The following LLGL2 variants were observed in gnomAD, a reference collection of about 807,000 sequenced individuals.
LLGL2 encodes the protein LLGL2, scribble cell polarity complex component.
Under a neutral mutation model 123.2 loss-of-function variants are expected in LLGL2, and 81 were observed. The ratio of observed to expected loss-of-function variants is 0.66; its 90% confidence interval spans 0.55 to 0.79. The LOEUF is 0.79. LLGL2 is among the 30% of genes least tolerant of loss of function. The pLI, the probability that LLGL2 is intolerant of heterozygous loss-of-function variation, is 0.00. For missense variants in LLGL2, 1,273 were observed against 1,414.6 expected, an observed-to-expected ratio of 0.90 and a Z score of 1.61; for synonymous variants, 577 against 594.1, an observed-to-expected ratio of 0.97 and a Z score of 0.42.
intron 25 of LLGL2, 26 bp downstream of exon 25, chr17:75,574,694 C>T (rs1438634042): frequency 6.2e-7 from 1 of 1,607,344 alleles, no homozygotes; most frequent in Admixed American, 1.7e-5. Flanking sequence ...TTGAGTGCAG[C>T]TGCCAACCGT....
intron 2 of LLGL2, among the ~76,000 whole-genome samples, chr17:75,548,223 T>C (rs116679012): frequency 4.7e-4 from 71 of 152,256 alleles, no homozygotes; most frequent in African/African-American, 1.7e-3. Context: ...ACTTGACTAA[T>C]GTAGCTTTCC....
rs770433556 is a variant in LLGL2, at chr17:75,570,943, C to T, written c.2026-7C>T. 4 of 1,603,852 alleles carry T rather than the reference C, an allele frequency of 2.5e-6. No homozygotes were observed. The highest frequency in any genetic ancestry group is 2.2e-5 in the East Asian group (1 of 44,770). ...AGCTGACCCTTAGGCTGGCCCACCC[C>T]TTGCAGGCACAGGAGGGGAGTGCCA... On this transcript the variant is annotated splice_polypyrimidine_tract_variant and splice_region_variant and intron_variant, in intron 16 of 25. Coordinates refer to ENST00000392550, the MANE Select transcript of LLGL2 (RefSeq NM_001031803.2).
intron 21 of LLGL2, 45 bp from the exon 22 acceptor site, chr17:75,573,907 C>G: frequency 6.5e-7 from 1 of 1,548,116 alleles, no homozygotes; most frequent in Non-Finnish European, 8.7e-7. Flanking sequence ...CAGAGCCGGG[C>G]AGGGAGCCCG....
intron 21 of LLGL2, 25 bp downstream of exon 21, chr17:75,573,656 T>TCCCGCCCCC (rs2055833531): frequency 7.6e-7 from 1 of 1,322,600 alleles, no homozygotes; most frequent in Non-Finnish European, 1.0e-6. Context: ...CAGAGGCCTC[T>TCCCGCCCCC]CCCGCCCCTC....
intron 2 of LLGL2, among the ~76,000 whole-genome samples, chr17:75,552,702 G>A (rs1438731080): frequency 6.6e-6 from 1 of 152,198 alleles, no homozygotes; most frequent in Non-Finnish European, 1.5e-5. Context: ...GTGGAAAAAG[G>A]GAATTCGAAG....
At position 75,569,990 on chromosome 17, in the gene LLGL2, G is replaced by A. The variant is rs147027220; in HGVS notation, c.1609G>A (p.Ala537Thr). The A allele has an allele frequency of 2.5e-6, 4 of 1,605,152 alleles. No homozygotes were observed. The African/African-American group carries it at 4.0e-5, about 16-fold the overall frequency. Residue 537 changes from alanine to threonine, a missense_variant, in exon 15 of 26, where the codon GCA (alanine) becomes ACA (threonine). Coordinates refer to ENST00000392550, the MANE Select transcript of LLGL2 (RefSeq NM_001031803.2). ...QVLVLELNDE[A>T]AEQAVEQVEA... ...GCTGGTACTGGAACTGAATGACGAGGCAGCGGAGCAGGCTGTGGAGCAGGT... is the reference window on the plus strand; with the variant it reads ...GCTGGTACTGGAACTGAATGACGAGACAGCGGAGCAGGCTGTGGAGCAGGT...
In LLGL2 at chr17:75,570,013, G is replaced by A; in HGVS notation, c.1632G>A (p.Gln544=). The A allele has an allele frequency of 6.2e-7, 1 of 1,611,682 alleles. No homozygotes were observed. Among genetic ancestry groups the A allele is most frequent in the Non-Finnish European group, 8.5e-7 (1 of 1,179,188 alleles). The part of the protein sequence containing the change: ...NDEAAEQAVE[Q]VEADLLQDQE... ...AGGCAGCGGAGCAGGCTGTGGAGCA[G>A]GTGGAGGCCGACCTGCTGCAGGACC... Residue 544 remains glutamine (Q), a synonymous_variant, in exon 15 of 26, where the codon CAG becomes CAA. Coordinates refer to ENST00000392550, the MANE Select transcript of LLGL2 (RefSeq NM_001031803.2).
At chr17:75,570,277 C>T in intron 15 of LLGL2, 22 bp downstream of exon 15, 1 of 1,598,450 alleles carries the variant, frequency 6.3e-7, no homozygotes, top group Non-Finnish European at 8.5e-7. Context: ...CGGCTGGGTC[C>T]CGGGGCTGGG....
At position 75,563,701 on chromosome 17, in the gene LLGL2, C is replaced by T. The variant is rs765089466; in HGVS notation, c.827-51C>T. The T allele has an allele frequency of 1.1e-5, 18 of 1,600,638 alleles. No individual in the cohort carries two copies. The South Asian group carries it at 2.0e-4, about 18-fold the overall frequency. ...AGGGATCTGTGCCTGTGGGGACTGA[C>T]ACTTGTCTGAGAGTTTGAGGATCCG... On this transcript the variant is annotated intron_variant, in intron 8 of 25. Coordinates refer to ENST00000392550, the MANE Select transcript of LLGL2 (RefSeq NM_001031803.2).
intron 1 of LLGL2, among the ~76,000 whole-genome samples, chr17:75,530,564 G>A (rs971622076): frequency 2.6e-5 from 4 of 151,500 alleles, no homozygotes; most frequent in Non-Finnish European, 4.4e-5. Context: ...GCAGGAGAAT[G>A]GTGTGAACCC....
At chr17:75,532,195 CCTCCCCAGTAGCTGGGATTACAGGTAG>C (rs1030229778) in intron 1 of LLGL2, among the ~76,000 whole-genome samples, 6 of 151,226 alleles carry the variant, frequency 4.0e-5, no homozygotes, top group Admixed American at 3.3e-4. Context: ...CCCACCTCAG[CCTCCCCAGTAGCTGGGATTACAGGTAG>C]CTCCCCAGTA....
At chr17:75,562,829 CA>C in intron 6 of LLGL2, 186 bp from the exon 7 acceptor site, 1 of 710,430 alleles carries the variant, frequency 1.4e-6, no homozygotes, top group South Asian at 1.9e-5. Context: ...CTTGGGCTCC[CA>C]AAGTGCTGGG....
chr17:75,529,846 C>A (rs1289685345), intron 1 of LLGL2, among the ~76,000 whole-genome samples: 1 of 151,920 alleles, frequency 6.6e-6, no homozygotes, highest in Non-Finnish European at 1.5e-5. Context: ...GGTGACAGAG[C>A]AAGACTCCGT....
chr17:75,543,800 G>A lies in LLGL2; in HGVS notation c.75+299G>A, dbSNP rs560344367. Among the ~76,000 whole-genome samples the A allele has an allele frequency of 2.6e-5, 4 of 152,248 alleles. No individual in the cohort carries two copies. In the East Asian group the frequency reaches 5.8e-4, roughly 22 times the overall value. On this transcript the variant is annotated intron_variant, in intron 2 of 25. Transcript: ENST00000392550. ...CCTACCTGTATCATGGGAATAAAAC[G>A]ATCTGCCATGTCTACCTCGGCACAG...
chr17:75,561,861 G>C (rs535755722), intron 6 of LLGL2, among the ~76,000 whole-genome samples: 12 of 152,166 alleles, frequency 7.9e-5, no homozygotes, highest in Admixed American at 1.3e-4. Flanking sequence ...GGTGGAGGTT[G>C]TGGTGAGCCG....
chr17:75,571,828 G>A, intron 18 of LLGL2, 45 bp downstream of exon 18: 2 of 1,602,302 alleles, frequency 1.2e-6, no homozygotes, highest in Middle Eastern at 1.7e-4. Flanking sequence ...GGCTGCCTGG[G>A]CTGGGTCCAG....
chr17:75,547,913 G>C (rs2054499045), intron 2 of LLGL2, among the ~76,000 whole-genome samples: 1 of 152,058 alleles, frequency 6.6e-6, no homozygotes, highest in South Asian at 2.1e-4. Context: ...AGGTTGTCTT[G>C]TTATGCAGAG....
rs1379479847 is a variant in LLGL2, at chr17:75,559,323, C to T, written c.443C>T (p.Thr148Ile). 1.2e-6 allele frequency: 2 copies of T among 1,613,628 alleles called. No homozygotes were observed. The highest frequency in any genetic ancestry group is 1.7e-4 in the Middle Eastern group (1 of 6,060). ...HSSCELLYLG[T>I]ESGNVFVVQL... ...TCCTGCGAGCTGCTCTACCTGGGCA[C>T]CGAGAGTGGCAACGTGTTTGTGGTG... Residue 148 changes from threonine to isoleucine, a missense_variant, in exon 6 of 26, where the codon ACC (threonine) becomes ATC (isoleucine). Transcript: ENST00000392550. The surrounding 1 kb of genome is among the most constrained non-coding windows in gnomAD (Gnocchi z 4.6).
At chr17:75,537,164 C>T (rs1175013215) in intron 1 of LLGL2, among the ~76,000 whole-genome samples, 2 of 152,160 alleles carry the variant, frequency 1.3e-5, no homozygotes, top group Non-Finnish European at 2.9e-5. Flanking sequence ...TGTCATAGGC[C>T]TGAGCACACT....
Sources: allele counts gnomAD v4.1 joint callset (sites outside exome capture counted in the v4.1 genomes callset), GRCh38; gene constraint gnomAD v4.1.1; non-coding constraint Gnocchi (gnomAD v3.1); transcripts MANE v1.5; gene names NCBI Gene and HGNC (gene_info 2026-07-23, HGNC 2026-07-21).